The following PLXNA4 variants were observed in gnomAD, a reference collection of about 807,000 sequenced individuals.
The protein encoded by PLXNA4 is plexin A4.
A neutral mutation model predicts 191.8 loss-of-function variants in PLXNA4; 44 were observed. That is an observed-to-expected ratio of 0.23 (90% CI 0.18 to 0.29). PLXNA4 has a LOEUF of 0.29. Ranked by LOEUF, PLXNA4 falls within the 10% of genes least tolerant of loss-of-function variation. The pLI is 1.00. For synonymous variants in PLXNA4, 1,082 were observed against 1,009.5 expected, an observed-to-expected ratio of 1.07 and a Z score of -1.36; for missense variants, 1,800 against 2,488.8, an observed-to-expected ratio of 0.72 and a Z score of 5.89.
At chr7:132,183,977 T>C (rs910366979) in intron 16 of PLXNA4, among the ~76,000 whole-genome samples, 2 of 152,096 alleles carry the variant, frequency 1.3e-5, no homozygotes, top group Non-Finnish European at 2.9e-5. Flanking sequence ...CATGTACGAG[T>C]GAGCATGGCT....
At chr7:132,484,520 T>C (rs1435383737) in intron 3 of PLXNA4, among the ~76,000 whole-genome samples, 1 of 152,218 alleles carries the variant, frequency 6.6e-6, no homozygotes, top group East Asian at 1.9e-4. Flanking sequence ...TCTTTTCCTG[T>C]CATGGAAATC....
At chr7:132,450,456 C>G (rs1376339083) in intron 3 of PLXNA4, among the ~76,000 whole-genome samples, 9 of 152,176 alleles carry the variant, frequency 5.9e-5, no homozygotes, top group Admixed American at 5.9e-4. Flanking sequence ...CCGTAAATGC[C>G]TCTGACACAC....
chr7:132,312,904 C>T lies in PLXNA4; in HGVS notation c.1372-14682G>A, dbSNP rs1801801081. ...TACATGAGGGGTCCATGGCTACTCA[C>T]TGACCCATGACACACCTCTGGCAAC... is the stretch of plus-strand genomic sequence containing the variant. On this transcript the variant is annotated intron_variant, in intron 3 of 31. Coordinates refer to ENST00000321063, the MANE Select transcript of PLXNA4 (RefSeq NM_020911.2). Among the ~76,000 whole-genome samples the T allele has an allele frequency of 1.3e-5, 2 of 152,218 alleles. 1 individual carries two copies. Among genetic ancestry groups the T allele is most frequent in the South Asian group, 4.1e-4 (2 of 4,832 alleles).
At chr7:132,525,864 A>G (rs568720709) in intron 1 of PLXNA4, among the ~76,000 whole-genome samples, 17 of 152,332 alleles carry the variant, frequency 1.1e-4, no homozygotes, top group Middle Eastern at 3.4e-3. Flanking sequence ...TCAGCTCACT[A>G]AAAGTCCTCA....
rs375109841 is a variant in PLXNA4 at position 132,464,945 on chromosome 7, GC to G, written c.1371+24346del. On this transcript the variant is annotated intron_variant, in intron 3 of 31. Transcript: ENST00000321063. ...GATATATTTGGCTAGGAGAGAGGAT[GC>G]CCAGTCATGCTGGAGAAATTTCCTG... Among the ~76,000 whole-genome samples the G allele has an allele frequency of 2.4e-4, 37 of 152,342 alleles. 1 individual carries two copies. The South Asian group carries it at 6.4e-3, about 26-fold the overall frequency.
intron 3 of PLXNA4, chr7:132,385,028 T>C (rs1805063389): frequency 2.1e-6 from 3 of 1,436,726 alleles, no homozygotes; most frequent in East Asian, 2.6e-5. Flanking sequence ...AGAGACACAT[T>C]CTCCAAAGTC....
chr7:132,321,445 G>A (rs531436851), intron 3 of PLXNA4, among the ~76,000 whole-genome samples: 1 of 151,708 alleles, frequency 6.6e-6, no homozygotes, highest in Admixed American at 6.6e-5. Context: ...TGCGCTGGCT[G>A]TGACAGTCTC....
chr7:132,297,820 T>C (rs1801147046), intron 4 of PLXNA4, among the ~76,000 whole-genome samples: 1 of 152,180 alleles, frequency 6.6e-6, no homozygotes, highest in Non-Finnish European at 1.5e-5. Context: ...AGAAAGCAAA[T>C]GTTGGCCCCG....
chr7:132,357,221 C>T (rs1332763380), intron 3 of PLXNA4, among the ~76,000 whole-genome samples: 1 of 152,188 alleles, frequency 6.6e-6, no homozygotes, highest in Non-Finnish European at 1.5e-5. Context: ...ATAATCTTTG[C>T]AGGGCACATG....
At chr7:132,399,458 G>A (rs1338077112) in intron 3 of PLXNA4, among the ~76,000 whole-genome samples, 2 of 152,206 alleles carry the variant, frequency 1.3e-5, no homozygotes, top group Admixed American at 1.3e-4. Flanking sequence ...TAAGAGTCAC[G>A]TTATATTAAG....
rs937267149 is a variant in PLXNA4, at chr7:132,154,532, A to G, written c.4660+4941T>C. On this transcript the variant is annotated intron_variant, in intron 25 of 31. Transcript: ENST00000321063. Reference sequence around the variant, plus strand: ...AGGTACTAGATCTTTGTAAACTGTAAAGTGCTGTGCACTGGTCAGTTGTTG... The same window carrying G: ...AGGTACTAGATCTTTGTAAACTGTAGAGTGCTGTGCACTGGTCAGTTGTTG... 3.9e-5 allele frequency among the ~76,000 whole-genome samples: 6 copies of G among 152,130 alleles called. 1 individual carries two copies. Among genetic ancestry groups the G allele is most frequent in the Non-Finnish European group, 7.4e-5 (5 of 68,014 alleles).
chr7:132,207,467 G>T (rs1797663158), intron 10 of PLXNA4, among the ~76,000 whole-genome samples: 1 of 152,160 alleles, frequency 6.6e-6, no homozygotes, highest in South Asian at 2.1e-4. Context: ...TTTTCCTAGA[G>T]CATTGGTCTA....
At chr7:132,643,177 T>C (rs2116893268) in intron 2 of PLXNA4, among the ~76,000 whole-genome samples, 1 of 152,266 alleles carries the variant, frequency 6.6e-6, no homozygotes, top group East Asian at 1.9e-4. Context: ...AAGGCTTGCA[T>C]GTGGACAGGT....
At chr7:132,343,214 T>C (rs1297091086) in intron 3 of PLXNA4, among the ~76,000 whole-genome samples, 1 of 152,164 alleles carries the variant, frequency 6.6e-6, no homozygotes, top group African/African-American at 2.4e-5. Context: ...AATCTTCTTT[T>C]AACAATTTTA....
chr7:132,643,410 G>GC (rs773701149), intron 2 of PLXNA4, among the ~76,000 whole-genome samples: 4,118 of 151,348 alleles, frequency 0.027, 92 homozygotes, highest in Non-Finnish European at 0.043. Context: ...TGACTCACTT[G>GC]ACCCCCCAGC....
chr7:132,349,067 C>T (rs886232059), intron 3 of PLXNA4, among the ~76,000 whole-genome samples: 4 of 152,206 alleles, frequency 2.6e-5, no homozygotes, highest in Admixed American at 2.0e-4. Flanking sequence ...AGCCATCCAA[C>T]GCCGAAAGAT....
intron 2 of PLXNA4, among the ~76,000 whole-genome samples, chr7:132,499,238 C>G (rs1408911602): frequency 6.6e-6 from 1 of 152,248 alleles, no homozygotes; most frequent in African/African-American, 2.4e-5. Flanking sequence ...CTGCCAAGAG[C>G]CTCGTGTTCC....
chr7:132,489,074 GGGA>G (rs1324327192), intron 3 of PLXNA4, among the ~76,000 whole-genome samples: 1 of 152,190 alleles, frequency 6.6e-6, no homozygotes, highest in Non-Finnish European at 1.5e-5. Flanking sequence ...ACCAGCTCTA[GGGA>G]GGAGGTGAAT....
At chr7:132,639,582 T>C (rs920572124) in intron 2 of PLXNA4, among the ~76,000 whole-genome samples, 1 of 152,212 alleles carries the variant, frequency 6.6e-6, no homozygotes, top group African/African-American at 2.4e-5. Context: ...CATTTATCTT[T>C]CCAGGCTTTA....
Sources: gnomAD v4.1 joint callset for allele counts (sites outside exome capture counted in the v4.1 genomes callset) on GRCh38, gnomAD v4.1.1 for gene constraint, MANE v1.5 for transcripts, NCBI Gene and HGNC (gene_info 2026-07-23, HGNC 2026-07-21) for gene names.